ARPP21: variants seen among roughly 807,000 people sequenced by gnomAD.
The protein encoded by ARPP21 is cAMP regulated phosphoprotein 21, also known as cAMP-regulated phosphoprotein 21.
A neutral mutation model predicts 113.2 loss-of-function variants in ARPP21; 69 were observed. The ratio of observed to expected loss-of-function variants is 0.61; its 90% CI spans 0.50 to 0.74. The LOEUF (loss-of-function observed/expected upper bound fraction) is 0.74, where lower values mean the gene tolerates loss of function less well. Among genes scored for constraint, ARPP21 ranks in the 30% least tolerant of loss-of-function variants. ARPP21 has a pLI of 0.00. For missense variants in ARPP21, 1,070 were observed against 1,037.4 expected (o/e 1.03, Z -0.43); for synonymous variants, 368 against 375.5 (o/e 0.98, Z 0.23).
Position 35,690,893 on chromosome 3 carries a change from T to C in ARPP21, c.574T>C (p.Ser192Pro). 6.2e-7 allele frequency: 1 copy of C among 1,610,172 alleles called. No individual in the cohort carries two copies. Among genetic ancestry groups the C allele is most frequent in the Non-Finnish European group, 8.5e-7 (1 of 1,177,726 alleles). The change falls in exon 9 of 21, where the codon TCA becomes CCA. Residue 192 changes from serine to proline, a missense_variant. Transcript: ENST00000684406. Reference protein sequence around the residue: ...NNHYKKFPQMSSYQRMLVHRV... With the variant: ...NNHYKKFPQMPSYQRMLVHRV... ...TCATTATAAAAAGTTCCCTCAGATGTCATCGTATCAGAGGATGCTTGTCCA... is the reference window on the plus strand; with the variant it reads ...TCATTATAAAAAGTTCCCTCAGATGCCATCGTATCAGAGGATGCTTGTCCA...
At chr3:35,701,616 A>G (rs982349035) in intron 9 of ARPP21, among the ~76,000 whole-genome samples, 2 of 151,562 alleles carry the variant, frequency 1.3e-5, no homozygotes, top group African/African-American at 4.8e-5. Flanking sequence ...TAACATCATT[A>G]TTTAGTATTC....
In ARPP21 at chr3:35,737,282, C is replaced by T; in HGVS notation, c.1564C>T (p.Pro522Ser). 1 of 1,612,814 alleles carries T rather than the reference C, an allele frequency of 6.2e-7. No individual in the cohort carries two copies. Among genetic ancestry groups the T allele is most frequent in the East Asian group, 2.2e-5 (1 of 44,850 alleles). Residue 522 changes from proline to serine, a missense_variant, in exon 16 of 21, where the codon CCA (proline) becomes TCA (serine). Transcript: ENST00000684406. ...GGTGGGGCAGTCCCAACAGCAGCCA[C>T]CACAGCAGCAGCCCTCCCCGCAGCC... ...AMVGQSQQQP[P>S]QQQPSPQPQQ...
rs754810892 is a variant in ARPP21, at chr3:35,717,320, A to T, written c.958A>T (p.Ile320Leu). The T allele has an allele frequency of 1.2e-6, 2 of 1,606,918 alleles. No individual in the cohort carries two copies. Among genetic ancestry groups the T allele is most frequent in the South Asian group, 1.1e-5 (1 of 90,904 alleles). Reference sequence around the variant, plus strand: ...CAGTAGGCTCTTGGAAGACAGTAACATATGCAATGAGACCTATAAGAAAAG... The same window carrying T: ...CAGTAGGCTCTTGGAAGACAGTAACTTATGCAATGAGACCTATAAGAAAAG... ...ENSRLLEDSN[I>L]CNETYKKRQL... The change falls in exon 13 of 21, where the codon ATA becomes TTA. Residue 320 changes from isoleucine (I) to leucine (L), a missense_variant. Physicochemically the swap from Ile to Leu is conservative, Grantham distance 5 (BLOSUM62 2). Transcript: ENST00000684406.
At chr3:35,673,591 T>A (rs947901188) in intron 1 of ARPP21, among the ~76,000 whole-genome samples, 6 of 152,014 alleles carry the variant, frequency 3.9e-5, no homozygotes, top group Non-Finnish European at 7.4e-5. Flanking sequence ...AATGGAAACA[T>A]CTTATTTTCC....
chr3:35,764,579 A>T (rs1375553710), intron 19 of ARPP21, among the ~76,000 whole-genome samples: 2 of 152,238 alleles, frequency 1.3e-5, no homozygotes, highest in East Asian at 3.9e-4. Context: ...ATATTCCGGG[A>T]TTGACCACAG....
chr3:35,750,945 T>C (rs1461775611), intron 19 of ARPP21, among the ~76,000 whole-genome samples: 2 of 152,186 alleles, frequency 1.3e-5, no homozygotes, highest in Non-Finnish European at 1.5e-5. Context: ...TTGCCAGGCT[T>C]TCAGCCCTGT....
At chr3:35,774,891 T>C (rs1247264643) in intron 19 of ARPP21, 2 of 152,174 alleles carry the variant, frequency 1.3e-5, no homozygotes, top group Non-Finnish European at 2.9e-5. Context: ...TAAATGTCAG[T>C]GTCCTTGATC....
chr3:35,753,711 T>C (rs1350446963), intron 19 of ARPP21, among the ~76,000 whole-genome samples: 2 of 152,042 alleles, frequency 1.3e-5, no homozygotes, highest in East Asian at 1.9e-4. Context: ...AATAGTAACG[T>C]GTTTAGTTTT....
intron 1 of ARPP21, among the ~76,000 whole-genome samples, chr3:35,663,377 C>G (rs538825995): frequency 1.4e-4 from 21 of 152,184 alleles, no homozygotes; most frequent in Non-Finnish European, 2.9e-4. Context: ...GACTGAAGCC[C>G]AGTCTGGGCG....
chr3:35,650,027 A>G (rs948148370), intron 1 of ARPP21, among the ~76,000 whole-genome samples: 5 of 152,130 alleles, frequency 3.3e-5, no homozygotes, highest in African/African-American at 7.2e-5. Flanking sequence ...ACACAGACAC[A>G]CAAACAAAAA....
intron 19 of ARPP21, among the ~76,000 whole-genome samples, chr3:35,762,932 C>T (rs2095835638): frequency 6.6e-6 from 1 of 152,070 alleles, no homozygotes; most frequent in Non-Finnish European, 1.5e-5. Flanking sequence ...CCCTCAATGC[C>T]TTCTTTCATT....
intron 16 of ARPP21, 41 bp from the exon 17 acceptor site, chr3:35,738,173 A>G (rs751600281): frequency 2.3e-6 from 3 of 1,285,772 alleles, no homozygotes; most frequent in South Asian, 2.5e-5. Flanking sequence ...TTTCAACCCC[A>G]GTGCTTTTCT....
chr3:35,746,520 G>C (rs1184871262), intron 19 of ARPP21, among the ~76,000 whole-genome samples: 1 of 152,088 alleles, frequency 6.6e-6, no homozygotes, highest in African/African-American at 2.4e-5. Context: ...GTCAAACTAT[G>C]GGCTACTATC....
intron 2 of ARPP21, 143 bp from the exon 3 acceptor site, chr3:35,681,571 T>C (rs2078941089): frequency 3.6e-6 from 2 of 557,026 alleles, no homozygotes; most frequent in African/African-American, 1.9e-5. Flanking sequence ...GGGTACTTGA[T>C]TTCATCTTGT....
At chr3:35,693,989 GA>G (rs1202712581) in intron 9 of ARPP21, among the ~76,000 whole-genome samples, 7 of 151,232 alleles carry the variant, frequency 4.6e-5, no homozygotes, top group African/African-American at 7.3e-5. Flanking sequence ...GAGGTAGAGG[GA>G]AAAAAAACTT....
At chr3:35,675,041 G>C (rs562605027) in intron 1 of ARPP21, among the ~76,000 whole-genome samples, 1 of 151,630 alleles carries the variant, frequency 6.6e-6, no homozygotes, top group Middle Eastern at 3.4e-3. Flanking sequence ...AACCATCTCT[G>C]CTTGTAGATA....
chr3:35,767,650 T>C (rs1479354399), intron 19 of ARPP21, among the ~76,000 whole-genome samples: 1 of 152,218 alleles, frequency 6.6e-6, no homozygotes, highest in African/African-American at 2.4e-5. Context: ...TAATTCTGTC[T>C]GCATTTATTA....
chr3:35,769,497 T>C (rs1190868558), intron 19 of ARPP21, among the ~76,000 whole-genome samples: 3 of 152,192 alleles, frequency 2.0e-5, no homozygotes, highest in Non-Finnish European at 4.4e-5. Context: ...GGCAGGATGT[T>C]GACTCCTTGA....
In ARPP21 at chr3:35,667,485, AC is replaced by A. The variant is rs2149249775; in HGVS notation, c.-212-12301del. Among the ~76,000 whole-genome samples, 3 of 152,256 alleles carry A rather than the reference AC, an allele frequency of 2.0e-5. No homozygotes were observed. The South Asian group carries it at 6.2e-4, about 32-fold the overall frequency. ...CAAGCATTCTACTAGATGTTTTAGT[AC>A]AATATTCCTCATTTTAAAATAACTT... On this transcript the variant is annotated intron_variant, in intron 1 of 20. Transcript: ENST00000684406.
Sources: allele counts gnomAD v4.1 joint callset (sites outside exome capture counted in the v4.1 genomes callset), GRCh38; gene constraint gnomAD v4.1.1; transcripts MANE v1.5; gene names NCBI Gene and HGNC (gene_info 2026-07-23, HGNC 2026-07-21).